Variants in ERBB4 observed in about 807,000 individuals in gnomAD.
ERBB4 encodes the protein erb-b2 receptor tyrosine kinase 4, also known as receptor tyrosine-protein kinase erbB-4.
In ERBB4, 42 loss-of-function variants were observed where a neutral mutation model predicts 158.0. That is an observed-to-expected ratio of 0.27 (90% CI 0.21 to 0.34). The LOEUF (loss-of-function observed/expected upper bound fraction) is 0.34. Among genes scored for constraint, ERBB4 ranks in the 10% least tolerant of loss-of-function variants. The pLI, the probability that ERBB4 is intolerant of heterozygous loss-of-function variation, is 1.00. For missense variants in ERBB4, 1,333 were observed against 1,624.1 expected, an observed-to-expected ratio of 0.82 and a Z score of 3.08; for synonymous variants, 583 against 558.7, an observed-to-expected ratio of 1.04 and a Z score of -0.61.
At chr2:212,301,581 A>G (rs1036480630) in intron 1 of ERBB4, among the ~76,000 whole-genome samples, 3 of 151,430 alleles carry the variant, frequency 2.0e-5, no homozygotes, top group African/African-American at 4.8e-5. Flanking sequence ...CTTGGTAAAC[A>G]TGACAAATTT....
intron 3 of ERBB4, among the ~76,000 whole-genome samples, chr2:211,813,681 C>T (rs7583346): frequency 0.25 from 38,632 of 152,024 alleles, 6,019 homozygotes; most frequent in East Asian, 0.39. Context: ...AAATCCAAGA[C>T]ATGTAGAAAT....
chr2:212,083,744 T>C (rs1406619855), intron 2 of ERBB4, among the ~76,000 whole-genome samples: 1 of 151,864 alleles, frequency 6.6e-6, no homozygotes, highest in Non-Finnish European at 1.5e-5. Context: ...AAAATATTTA[T>C]CTCCAGATTT....
chr2:212,401,907 AC>A (rs2091217231), intron 1 of ERBB4, among the ~76,000 whole-genome samples: 1 of 152,168 alleles, frequency 6.6e-6, no homozygotes, highest in Non-Finnish European at 1.5e-5. Context: ...AGTGACTGGA[AC>A]AAACATATAT....
intron 19 of ERBB4, among the ~76,000 whole-genome samples, chr2:211,617,240 C>A (rs147038640): frequency 2.0e-5 from 3 of 152,092 alleles, no homozygotes; most frequent in African/African-American, 7.2e-5. Flanking sequence ...TCAGCTTTGG[C>A]TGTAGTCTAG....
chr2:211,488,870 C>G (rs1452364118), intron 20 of ERBB4, among the ~76,000 whole-genome samples: 1 of 152,058 alleles, frequency 6.6e-6, no homozygotes, highest in Non-Finnish European at 1.5e-5. Flanking sequence ...ATCAAACACT[C>G]TTCTCCCATT....
chr2:211,962,882 C>T (rs2081215795), intron 2 of ERBB4, among the ~76,000 whole-genome samples: 1 of 152,104 alleles, frequency 6.6e-6, no homozygotes, highest in Non-Finnish European at 1.5e-5. Context: ...GTGGAATTTT[C>T]CCAAGTACTA....
intron 1 of ERBB4, among the ~76,000 whole-genome samples, chr2:212,226,296 T>A (rs1050233136): frequency 6.6e-6 from 1 of 152,082 alleles, no homozygotes; most frequent in African/African-American, 2.4e-5. Flanking sequence ...AGTCACCAGA[T>A]GAGAACTCAG....
chr2:211,580,855 G>A lies in ERBB4; in HGVS notation c.2302-18767C>T, dbSNP rs1208003228. Among the ~76,000 whole-genome samples the A allele has an allele frequency of 5.0e-4, 7 of 13,912 alleles. 1 individual carries two copies. The South Asian group carries it at 0.047, about 93-fold the overall frequency. The allele number at this position is 13,912 out of a possible 152,430, so 9.1% of individuals were successfully genotyped here. ...ATATAGATTATATATTATATATATA[G>A]TATGCATATACATATATATATATAT... On this transcript the variant is annotated intron_variant, in intron 19 of 27. Coordinates refer to ENST00000342788, the MANE Select transcript of ERBB4 (RefSeq NM_005235.3).
intron 1 of ERBB4, among the ~76,000 whole-genome samples, chr2:212,230,100 C>G (rs866816630): frequency 3.8e-4 from 58 of 152,222 alleles, no homozygotes; most frequent in African/African-American, 1.4e-3. Flanking sequence ...GCCTGGCCAA[C>G]ACGGTGAAAC....
At chr2:211,826,914 G>T (rs1421874778) in intron 3 of ERBB4, among the ~76,000 whole-genome samples, 1 of 151,898 alleles carries the variant, frequency 6.6e-6, no homozygotes, top group Non-Finnish European at 1.5e-5. Flanking sequence ...TTGCAGAGAT[G>T]GCTTTTGTAA....
At chr2:212,443,691 C>G (rs2092298108) in intron 1 of ERBB4, among the ~76,000 whole-genome samples, 1 of 152,214 alleles carries the variant, frequency 6.6e-6, no homozygotes, top group Non-Finnish European at 1.5e-5. Context: ...GGCCCTGTGA[C>G]CCAGCAGATC....
intron 1 of ERBB4, among the ~76,000 whole-genome samples, chr2:212,254,111 T>A (rs1274749730): frequency 2.6e-5 from 4 of 152,118 alleles, no homozygotes. Context: ...AAAAAAAAAA[T>A]TAGTTGATTA....
chr2:212,328,438 T>C (rs967467220), intron 1 of ERBB4, among the ~76,000 whole-genome samples: 3 of 152,054 alleles, frequency 2.0e-5, no homozygotes, highest in Non-Finnish European at 4.4e-5. Flanking sequence ...TCCTAGATTC[T>C]ATAATTAAGG....
At chr2:211,979,070 T>C (rs1253732214) in intron 2 of ERBB4, among the ~76,000 whole-genome samples, 2 of 152,156 alleles carry the variant, frequency 1.3e-5, no homozygotes, top group African/African-American at 4.8e-5. Context: ...AGTAGCAACG[T>C]AGATGCTCAT....
rs568046921 is a variant in ERBB4 at position 211,624,016 on chromosome 2, G to T, written c.2108C>A (p.Thr703Lys). ...ELVEPLTPSG[T>K]APNQAQLRIL... ...ACGAAGTTGAGCTTGATTGGGTGCT[G>T]TGCCACTGGGAGTTAATGGTTCCAC... The change falls in exon 18 of 28, where the codon ACA becomes AAA. Residue 703 changes from threonine to lysine, a missense_variant. Coordinates refer to ENST00000342788, the MANE Select transcript of ERBB4 (RefSeq NM_005235.3). 2.2e-5 allele frequency: 36 copies of T among 1,614,094 alleles called. No homozygotes were observed. In the African/African-American group the frequency reaches 4.0e-4, roughly 18 times the overall value.
chr2:212,432,966 T>A (rs1401952605), intron 1 of ERBB4, among the ~76,000 whole-genome samples: 1 of 152,012 alleles, frequency 6.6e-6, no homozygotes, highest in Non-Finnish European at 1.5e-5. Context: ...TAACCAAAGC[T>A]CTGGAATATA....
At chr2:211,783,444 C>T (rs994418527) in intron 4 of ERBB4, among the ~76,000 whole-genome samples, 3 of 152,192 alleles carry the variant, frequency 2.0e-5, no homozygotes, top group African/African-American at 7.2e-5. Flanking sequence ...CTGTCTTGTG[C>T]CAGTTTTCAA....
Position 211,774,234 on chromosome 2 carries a change from G to A in ERBB4, c.556+13791C>T, listed in dbSNP as rs1015432221. ...ATTACTAGCACCTGCCATCATGCCC[G>A]ACTAATTTTCGTATTTTTGTAGAGA... On this transcript the variant is annotated intron_variant, in intron 4 of 27. Coordinates refer to ENST00000342788, the MANE Select transcript of ERBB4 (RefSeq NM_005235.3). 1.6e-4 allele frequency among the ~76,000 whole-genome samples: 25 copies of A among 151,772 alleles called. 1 individual carries two copies. Among genetic ancestry groups the A allele is most frequent in the Admixed American group, 7.9e-4 (12 of 15,214 alleles).
At chr2:212,514,989 A>G (rs1386020031) in intron 1 of ERBB4, among the ~76,000 whole-genome samples, 2 of 152,246 alleles carry the variant, frequency 1.3e-5, no homozygotes, top group African/African-American at 4.8e-5. Context: ...TATTTTTAAA[A>G]GGAGCATATA....
Sources: gnomAD v4.1 joint callset for allele counts (sites outside exome capture counted in the v4.1 genomes callset) on GRCh38, gnomAD v4.1.1 for gene constraint, MANE v1.5 for transcripts, NCBI Gene and HGNC (gene_info 2026-07-23, HGNC 2026-07-21) for gene names.